Variants in ENTREP2 observed in about 807,000 individuals in gnomAD.
The protein encoded by ENTREP2 is protein ENTREP2.
the ENTREP2 span, among the ~76,000 whole-genome samples, chr15:29,403,402 CTCTTCTTTTAGAAA>C: frequency 6.6e-6 from 1 of 152,092 alleles, no homozygotes; most frequent in African/African-American, 2.4e-5. Flanking sequence ...GACTTTTATT[CTCTTCTTTTAGAAA>C]TCTCCTCATG....
At chr15:29,198,243 C>T in the ENTREP2 span, among the ~76,000 whole-genome samples, 1 of 152,324 alleles carries the variant, frequency 6.6e-6, no homozygotes, top group Non-Finnish European at 1.5e-5. Flanking sequence ...TTTCTGCACC[C>T]TCTCCCTGGA....
the ENTREP2 span, among the ~76,000 whole-genome samples, chr15:29,255,777 G>A: frequency 1.1e-4 from 17 of 151,916 alleles, no homozygotes; most frequent in Non-Finnish European, 2.1e-4. Context: ...CGAGGCGGGC[G>A]GATCAAAAGG....
the ENTREP2 span, among the ~76,000 whole-genome samples, chr15:29,281,581 C>T: frequency 6.6e-6 from 1 of 152,190 alleles, no homozygotes; most frequent in African/African-American, 2.4e-5. Flanking sequence ...ATCAACACAT[C>T]GAAACTGGCA....
At chr15:29,390,869 A>G in the ENTREP2 span, among the ~76,000 whole-genome samples, 2 of 152,250 alleles carry the variant, frequency 1.3e-5, no homozygotes, top group Non-Finnish European at 2.9e-5. Flanking sequence ...TTCATGAAAC[A>G]TATGGCAGAT....
chr15:29,579,615 A>C, the ENTREP2 span, among the ~76,000 whole-genome samples: 2 of 124,340 alleles, frequency 1.6e-5, 1 homozygote, highest in African/African-American at 6.5e-5. Context: ...CACCTCCTGG[A>C]TTCAAGTGAT....
At chr15:29,318,459 T>G in the ENTREP2 span, among the ~76,000 whole-genome samples, 19 of 152,262 alleles carry the variant, frequency 1.2e-4, no homozygotes, top group African/African-American at 3.9e-4. Context: ...TAGCTGGGAC[T>G]ACAGGCGCCT....
chr15:29,354,018 T>C, the ENTREP2 span, among the ~76,000 whole-genome samples: 1 of 152,144 alleles, frequency 6.6e-6, no homozygotes, highest in African/African-American at 2.4e-5. Flanking sequence ...GGTATGTGTG[T>C]CAGGGTGTCT....
At chr15:29,600,504 GTGA>G in the ENTREP2 span, among the ~76,000 whole-genome samples, 2 of 151,856 alleles carry the variant, frequency 1.3e-5, no homozygotes, top group East Asian at 3.9e-4. Context: ...CATCATAGAT[GTGA>G]TGATGATGAT....
the ENTREP2 span, among the ~76,000 whole-genome samples, chr15:29,636,507 A>C: frequency 1.3e-5 from 2 of 152,136 alleles, no homozygotes; most frequent in African/African-American, 2.4e-5. Context: ...TGAAGAATGA[A>C]CATTGGTTGC....
chr15:29,674,961 T>G, the ENTREP2 span: 2 of 149,928 alleles, frequency 1.3e-5, no homozygotes, highest in East Asian at 4.0e-4. Flanking sequence ...CCAGCCCCGC[T>G]GGCTTCCCCT....
At chr15:29,667,683 A>G in the ENTREP2 span, among the ~76,000 whole-genome samples, 1 of 151,666 alleles carries the variant, frequency 6.6e-6, no homozygotes, top group South Asian at 2.1e-4. Flanking sequence ...TTAAGTAGAG[A>G]CAAGGTTTCA....
chr15:29,332,955 A>G, the ENTREP2 span, among the ~76,000 whole-genome samples: 2 of 146,110 alleles, frequency 1.4e-5, no homozygotes, highest in East Asian at 2.0e-4. Flanking sequence ...GCGAAACTCC[A>G]TCTCAAAAAA....
chr15:29,153,778 TTA>T, the ENTREP2 span, among the ~76,000 whole-genome samples: 1 of 152,234 alleles, frequency 6.6e-6, no homozygotes, highest in African/African-American at 2.4e-5. Flanking sequence ...CTGAAAGTTT[TTA>T]TAGTTTCATA....
the ENTREP2 span, among the ~76,000 whole-genome samples, chr15:29,257,218 C>T: frequency 1.3e-5 from 2 of 152,098 alleles, no homozygotes; most frequent in Admixed American, 6.5e-5. Flanking sequence ...GGATTACAGG[C>T]ATGCGCCACC....
the ENTREP2 span, among the ~76,000 whole-genome samples, chr15:29,380,316 G>C: frequency 1.3e-5 from 2 of 152,098 alleles, no homozygotes; most frequent in African/African-American, 2.4e-5. Flanking sequence ...AGGGCGTCAT[G>C]GTTACTCTCA....
At chr15:29,501,891 A>T in the ENTREP2 span, among the ~76,000 whole-genome samples, 229 of 152,080 alleles carry the variant, frequency 1.5e-3, no homozygotes, top group African/African-American at 5.3e-3. Context: ...GAAAAATTTT[A>T]AAATGAAATG....
chr15:29,579,582 C>T, the ENTREP2 span, among the ~76,000 whole-genome samples: 34 of 148,370 alleles, frequency 2.3e-4, no homozygotes, highest in African/African-American at 7.5e-4. Flanking sequence ...TGCAGTGGCG[C>T]GATCTCAGCT....
chr15:29,615,829 A>G, the ENTREP2 span, among the ~76,000 whole-genome samples: 1 of 152,222 alleles, frequency 6.6e-6, no homozygotes, highest in Non-Finnish European at 1.5e-5. Flanking sequence ...TTGGAAAAAA[A>G]TCCACTGTGC....
chr15:29,183,991 T>TC, the ENTREP2 span, among the ~76,000 whole-genome samples: 1 of 152,216 alleles, frequency 6.6e-6, no homozygotes, highest in African/African-American at 2.4e-5. Context: ...CTAGTAACTT[T>TC]TTTTTTTGAG....
Sources: allele counts gnomAD v4.1 joint callset (sites outside exome capture counted in the v4.1 genomes callset), GRCh38; gene constraint gnomAD v4.1.1; transcripts MANE v1.5; gene names NCBI Gene and HGNC (gene_info 2026-07-23, HGNC 2026-07-21).